Variants in ATP8A2 observed in about 807,000 individuals in gnomAD.
The protein encoded by ATP8A2 is phospholipid-transporting ATPase IB.
In ATP8A2, 100 loss-of-function variants were observed where a neutral mutation model predicts 165.6. That is an observed-to-expected ratio of 0.60 (90% CI 0.51 to 0.71). ATP8A2 has a LOEUF of 0.71. ATP8A2 is among the 30% of genes least tolerant of loss of function. The pLI is 0.00. For synonymous variants in ATP8A2, 543 were observed against 548.8 expected (o/e 0.99, Z 0.15); for missense variants, 1,227 against 1,479.5 (o/e 0.83, Z 2.80).
Position 25,623,915 on chromosome 13 carries a change from G to T in ATP8A2, c.2211+34216G>T, listed in dbSNP as rs112405367. On this transcript the variant is annotated intron_variant, in intron 24 of 36. Coordinates refer to ENST00000381655, the MANE Select transcript of ATP8A2 (RefSeq NM_016529.6). ...ATATCTATAATGCATGTATGTATGT[G>T]TGTGCATATATATACATGCATAAAT... Among the ~76,000 whole-genome samples the T allele has an allele frequency of 5.0e-3, 763 of 152,182 alleles. 8 individuals are homozygous for T. The highest frequency in any genetic ancestry group is 0.021 in the South Asian group (99 of 4,824).
intron 1 of ATP8A2, among the ~76,000 whole-genome samples, chr13:25,437,945 G>A (rs377196641): frequency 6.6e-6 from 1 of 152,170 alleles, no homozygotes. Flanking sequence ...ATTAGATAAG[G>A]CAGCCTTATT....
chr13:25,665,516 T>G (rs2042134901), intron 24 of ATP8A2, among the ~76,000 whole-genome samples: 1 of 152,148 alleles, frequency 6.6e-6, no homozygotes, highest in South Asian at 2.1e-4. Context: ...ATACTTTCAA[T>G]CCCTGGTACA....
chr13:25,976,559 TC>T (rs761501288), intron 35 of ATP8A2, among the ~76,000 whole-genome samples: 150 of 142,488 alleles, frequency 1.1e-3, no homozygotes, highest in Non-Finnish European at 1.9e-3. Context: ...TCTAGCATGG[TC>T]TGATGAAAAG....
chr13:25,581,857 C>G lies in ATP8A2; in HGVS notation c.2046C>G (p.Arg682=). The change falls in exon 23 of 37, where the codon CGC becomes CGG. Residue 682 remains arginine, a synonymous_variant. Coordinates refer to ENST00000381655, the MANE Select transcript of ATP8A2 (RefSeq NM_016529.6). ...LLLGATAIED[R]LQAGVPETIA... ...TTGGAGCCACAGCCATAGAAGATCG[C>G]CTTCAAGCAGGAGTTCCAGAAACCA... 1 of 1,613,998 alleles carries G rather than the reference C, an allele frequency of 6.2e-7. No individual in the cohort carries two copies. The highest frequency in any genetic ancestry group is 8.5e-7 in the Non-Finnish European group (1 of 1,179,930).
intron 26 of ATP8A2, among the ~76,000 whole-genome samples, chr13:25,774,513 T>C (rs1212289734): frequency 6.6e-6 from 1 of 152,216 alleles, no homozygotes; most frequent in Non-Finnish European, 1.5e-5. Flanking sequence ...GGCAAATGTT[T>C]ACTTATGTAA....
rs1005724762 is a variant in ATP8A2, at chr13:26,025,267, C to T, written c.*5282C>T. The T allele has an allele frequency of 1.3e-5, 2 of 152,218 alleles. No individual in the cohort carries two copies. The highest frequency in any genetic ancestry group is 4.8e-5 in the African/African-American group (2 of 41,432). The allele number at this position is 152,218 out of a possible 1,614,324, so 9.4% of individuals were successfully genotyped here. A position where few individuals can be genotyped will look rare whatever the true frequency, so the allele number is the denominator to read the frequency against. On this transcript the variant is annotated 3_prime_UTR_variant, in exon 37 of 37. Coordinates refer to ENST00000381655, the MANE Select transcript of ATP8A2 (RefSeq NM_016529.6). ...AAACTCCTACTCTCCCCTCCCGCCC[C>T]ACTCTCCCCCGTTGCCCGAGATGGC...
intron 33 of ATP8A2, among the ~76,000 whole-genome samples, chr13:25,939,004 G>A (rs1427169957): frequency 1.3e-5 from 2 of 152,012 alleles, no homozygotes; most frequent in African/African-American, 4.8e-5. Flanking sequence ...CACCACGCCC[G>A]GCTAATTGTT....
chr13:25,862,943 G>C (rs889086890), intron 33 of ATP8A2, among the ~76,000 whole-genome samples: 1 of 152,160 alleles, frequency 6.6e-6, no homozygotes, highest in Non-Finnish European at 1.5e-5. Context: ...TCATTTGAAT[G>C]TTTTTTATTT....
chr13:25,773,293 G>A (rs2044666484), intron 26 of ATP8A2, among the ~76,000 whole-genome samples: 1 of 152,142 alleles, frequency 6.6e-6, no homozygotes, highest in African/African-American at 2.4e-5. Context: ...TATCAAATGT[G>A]TAGAAACGTG....
intron 24 of ATP8A2, among the ~76,000 whole-genome samples, chr13:25,682,644 G>A (rs1277080610): frequency 4.6e-5 from 7 of 152,194 alleles, no homozygotes; most frequent in African/African-American, 7.2e-5. Flanking sequence ...GTTACAGCCC[G>A]AAGAATGTTG....
At chr13:25,486,924 C>T (rs1303339327) in intron 2 of ATP8A2, among the ~76,000 whole-genome samples, 1 of 152,152 alleles carries the variant, frequency 6.6e-6, no homozygotes, top group Non-Finnish European at 1.5e-5. Context: ...TGAGATTGCA[C>T]CACTGCACTC....
At chr13:25,920,624 A>G (rs868230916) in intron 33 of ATP8A2, among the ~76,000 whole-genome samples, 69 of 152,306 alleles carry the variant, frequency 4.5e-4, no homozygotes, top group Middle Eastern at 6.8e-3. Context: ...CAGCCTCACA[A>G]GAACCTCACG....
intron 35 of ATP8A2, among the ~76,000 whole-genome samples, chr13:26,010,218 G>C (rs775930340): frequency 1.3e-5 from 2 of 152,202 alleles, no homozygotes; most frequent in Non-Finnish European, 2.9e-5. Context: ...AGCTGAGTCT[G>C]TTTTCTCACC....
chr13:26,019,591 G>A (rs1957051922), intron 36 of ATP8A2, among the ~76,000 whole-genome samples: 1 of 152,182 alleles, frequency 6.6e-6, no homozygotes, highest in Non-Finnish European at 1.5e-5. Flanking sequence ...CCCACTGTGT[G>A]TGATTCCCAC....
chr13:26,018,418 G>A (rs1176674747), intron 36 of ATP8A2, among the ~76,000 whole-genome samples: 1 of 152,198 alleles, frequency 6.6e-6, no homozygotes, highest in Non-Finnish European at 1.5e-5. Context: ...TTAACAGGCA[G>A]TCCAGGAACT....
At chr13:25,773,750 G>A (rs773985756) in intron 26 of ATP8A2, among the ~76,000 whole-genome samples, 1 of 152,116 alleles carries the variant, frequency 6.6e-6, no homozygotes, top group Non-Finnish European at 1.5e-5. Context: ...ATCTATGTAT[G>A]TGTGTCTGTG....
At chr13:25,513,839 C>T (rs950633652) in intron 2 of ATP8A2, among the ~76,000 whole-genome samples, 4 of 152,192 alleles carry the variant, frequency 2.6e-5, no homozygotes, top group Admixed American at 1.3e-4. Context: ...CGCCTGCAAT[C>T]GCAGGCACTT....
rs139957510 is a variant in ATP8A2 at position 25,956,697 on chromosome 13, A to G, written c.3184-4878A>G. Among the ~76,000 whole-genome samples the G allele has an allele frequency of 3.3e-3, 501 of 152,362 alleles. 1 individual carries two copies. The highest frequency in any genetic ancestry group is 0.011 in the African/African-American group (475 of 41,586). ...TATCATGAAAATGGCCATACTGCCA[A>G]AGTAATTTATAGATTCAATGCTCTC... On this transcript the variant is annotated intron_variant, in intron 33 of 36. Transcript: ENST00000381655.
At chr13:25,559,259 G>T (rs2039071894) in intron 14 of ATP8A2, among the ~76,000 whole-genome samples, 198 bp downstream of exon 14, 1 of 152,196 alleles carries the variant, frequency 6.6e-6, no homozygotes, top group Non-Finnish European at 1.5e-5. Context: ...CTGACTGGGT[G>T]CAGTGGCTCA....
Sources: gnomAD v4.1 joint callset for allele counts (sites outside exome capture counted in the v4.1 genomes callset) on GRCh38, gnomAD v4.1.1 for gene constraint, MANE v1.5 for transcripts, NCBI Gene and HGNC (gene_info 2026-07-23, HGNC 2026-07-21) for gene names.